WWOX: variants seen among roughly 807,000 people sequenced by gnomAD.
WWOX encodes the protein WW domain-containing oxidoreductase.
In WWOX, 69 loss-of-function variants were observed where a neutral mutation model predicts 46.2. The ratio of observed to expected loss-of-function variants is 1.49; its 90% CI spans 1.23 to 1.82. WWOX has a LOEUF of 1.82. WWOX is among the 40% of genes most tolerant of loss of function. The pLI is 0.00. For missense variants in WWOX, 919 were observed against 542.6 expected (o/e 1.69, Z -6.89); for synonymous variants, 359 against 202.6 (o/e 1.77, Z -6.56).
At chr16:78,362,001 C>T (rs1182837387) in intron 5 of WWOX, among the ~76,000 whole-genome samples, 1 of 149,572 alleles carries the variant, frequency 6.7e-6, no homozygotes, top group Non-Finnish European at 1.5e-5. Flanking sequence ...TTAATACCTC[C>T]ATTTATTCTG....
intron 8 of WWOX, among the ~76,000 whole-genome samples, chr16:78,686,210 C>T (rs1036631571): frequency 2.6e-5 from 4 of 152,120 alleles, no homozygotes; most frequent in Admixed American, 2.6e-4. Flanking sequence ...ACACCAGCAT[C>T]ACTCAGAAAT....
intron 8 of WWOX, among the ~76,000 whole-genome samples, chr16:79,064,996 G>A (rs2048416863): frequency 6.6e-6 from 1 of 152,182 alleles, no homozygotes; most frequent in African/African-American, 2.4e-5. Flanking sequence ...TGTGTGCGAA[G>A]GGTGAATGGG....
chr16:78,883,535 C>T lies in WWOX; in HGVS notation c.1057-328073C>T, dbSNP rs368324466. 6.4e-4 allele frequency among the ~76,000 whole-genome samples: 98 copies of T among 152,096 alleles called. 2 individuals are homozygous for T. In the South Asian group the frequency reaches 0.013, roughly 21 times the overall value. On this transcript the variant is annotated intron_variant, in intron 8 of 8. Coordinates refer to ENST00000566780, the MANE Select transcript of WWOX (RefSeq NM_016373.4). Reference sequence around the variant, plus strand: ...GGTCAGGAGTTCGAGACCAGCCTGGCGAACATGGCAAAACCCCATCTCTAC... The same window carrying T: ...GGTCAGGAGTTCGAGACCAGCCTGGTGAACATGGCAAAACCCCATCTCTAC...
At chr16:78,435,804 C>G (rs558061875) in intron 8 of WWOX, among the ~76,000 whole-genome samples, 2 of 152,260 alleles carry the variant, frequency 1.3e-5, no homozygotes, top group South Asian at 2.1e-4. Flanking sequence ...CACCAGCTTT[C>G]TGAGCCTGTC....
At chr16:78,139,627 AGAGT>A (rs2033918256) in intron 4 of WWOX, among the ~76,000 whole-genome samples, 1 of 152,224 alleles carries the variant, frequency 6.6e-6, no homozygotes. Context: ...CCCAGGCGAT[AGAGT>A]GAGACTCTGT....
At chr16:78,480,401 C>T (rs2084458268) in intron 8 of WWOX, among the ~76,000 whole-genome samples, 2 of 152,338 alleles carry the variant, frequency 1.3e-5, no homozygotes, top group African/African-American at 4.8e-5. Flanking sequence ...TATTATTAAA[C>T]ATCTCAACAC....
intron 8 of WWOX, among the ~76,000 whole-genome samples, chr16:78,957,256 A>G (rs1451275104): frequency 2.0e-5 from 3 of 152,228 alleles, no homozygotes; most frequent in African/African-American, 7.2e-5. Flanking sequence ...CGAAATAATT[A>G]TTTTGAGATA....
intron 8 of WWOX, among the ~76,000 whole-genome samples, chr16:78,550,054 G>T (rs111520484): frequency 0.035 from 5,399 of 152,344 alleles, 162 homozygotes; most frequent in Non-Finnish European, 0.058. Flanking sequence ...ATGGTTGAAT[G>T]AAGTTACCTG....
At chr16:78,751,727 T>C (rs1043985049) in intron 8 of WWOX, among the ~76,000 whole-genome samples, 2 of 149,692 alleles carry the variant, frequency 1.3e-5, no homozygotes, top group African/African-American at 4.9e-5. Context: ...CGTAGACATG[T>C]TGTGATGAAA....
At chr16:79,195,360 G>A (rs574744299) in intron 8 of WWOX, among the ~76,000 whole-genome samples, 3 of 152,268 alleles carry the variant, frequency 2.0e-5, no homozygotes, top group South Asian at 4.1e-4. Flanking sequence ...TCTGAAGCTG[G>A]ATTATTCTTC....
chr16:78,760,740 C>T (rs905516827), intron 8 of WWOX, among the ~76,000 whole-genome samples: 1 of 152,210 alleles, frequency 6.6e-6, no homozygotes, highest in African/African-American at 2.4e-5. Flanking sequence ...GGCAGAATAC[C>T]TCTCATGCCT....
chr16:79,198,296 C>A (rs2051280147), intron 8 of WWOX, among the ~76,000 whole-genome samples: 1 of 152,134 alleles, frequency 6.6e-6, no homozygotes. Flanking sequence ...CGAGATTGCG[C>A]CACTGTACTC....
intron 8 of WWOX, among the ~76,000 whole-genome samples, chr16:78,466,732 C>G (rs1051184795): frequency 6.6e-6 from 1 of 152,072 alleles, no homozygotes. Flanking sequence ...TCTGTAATCC[C>G]AGCTACTTAG....
At chr16:79,151,189 A>G (rs1486205173) in intron 8 of WWOX, among the ~76,000 whole-genome samples, 3 of 152,206 alleles carry the variant, frequency 2.0e-5, no homozygotes, top group Non-Finnish European at 4.4e-5. Flanking sequence ...TAAAAGTGGC[A>G]CCACCTCTTA....
chr16:79,022,685 C>G (rs1597289776), intron 8 of WWOX, among the ~76,000 whole-genome samples: 1 of 152,100 alleles, frequency 6.6e-6, no homozygotes, highest in South Asian at 2.1e-4. Flanking sequence ...ATGATATGCA[C>G]TGATGTAAGG....
At chr16:78,525,579 C>T (rs572456875) in intron 8 of WWOX, 1 of 152,272 alleles carries the variant, frequency 6.6e-6, no homozygotes, top group South Asian at 2.1e-4. Context: ...CTCAAAATGT[C>T]TGGTAGCATC....
rs148784428 is a variant in WWOX, at chr16:78,652,919, C to G, written c.1056+220167C>G. On this transcript the variant is annotated intron_variant, in intron 8 of 8. Transcript: ENST00000566780. ...TCTGGAGTTCACATATCATTTGTTA[C>G]TTTGAAAAATGAACTTTTGTTATTT... Among the ~76,000 whole-genome samples the G allele has an allele frequency of 1.4e-3, 218 of 152,128 alleles. 2 individuals carry two copies. The highest frequency in any genetic ancestry group is 2.7e-3 in the Admixed American group (42 of 15,288).
At chr16:79,091,655 G>A (rs1454757231) in intron 8 of WWOX, among the ~76,000 whole-genome samples, 1 of 152,054 alleles carries the variant, frequency 6.6e-6, no homozygotes, top group Non-Finnish European at 1.5e-5. Context: ...AGCTCCTACT[G>A]ACTCAAGGAT....
At chr16:78,582,927 A>G (rs1032119149) in intron 8 of WWOX, among the ~76,000 whole-genome samples, 1 of 152,232 alleles carries the variant, frequency 6.6e-6, no homozygotes, top group Non-Finnish European at 1.5e-5. Context: ...AAATGATGAA[A>G]AGAAGTGCCT....
Sources: gnomAD v4.1 joint callset for allele counts (sites outside exome capture counted in the v4.1 genomes callset) on GRCh38, gnomAD v4.1.1 for gene constraint, MANE v1.5 for transcripts, NCBI Gene and HGNC (gene_info 2026-07-23, HGNC 2026-07-21) for gene names.